The following SLC8A2 variants were observed in gnomAD, a reference collection of about 807,000 sequenced individuals.
SLC8A2 encodes the protein sodium/calcium exchanger 2.
In SLC8A2, 14 loss-of-function variants were observed where a neutral mutation model predicts 70.2. That is an observed-to-expected ratio of 0.20 (90% CI 0.13 to 0.31). The LOEUF is 0.31. SLC8A2 is among the 10% of genes least tolerant of loss of function. The pLI is 1.00. For missense variants in SLC8A2, 779 were observed against 1,320.1 expected (o/e 0.59, Z 6.35); for synonymous variants, 575 against 594.3 (o/e 0.97, Z 0.47).
chr19:47,436,717 T>C (rs551241639), intron 8 of SLC8A2, among the ~76,000 whole-genome samples: 1 of 152,298 alleles, frequency 6.6e-6, no homozygotes, highest in African/African-American at 2.4e-5. Flanking sequence ...CCTCTGTCTC[T>C]GAGCCTCAGT....
intron 1 of SLC8A2, among the ~76,000 whole-genome samples, chr19:47,469,034 G>A (rs1281643979): frequency 1.5e-4 from 23 of 152,052 alleles, no homozygotes; most frequent in Admixed American, 1.4e-3. Context: ...CCATGGGCTG[G>A]GAGCTGGCTC....
At position 47,441,225 on chromosome 19, in the gene SLC8A2, TC is replaced by T. The variant is rs762596822; in HGVS notation, c.1868-40del. On this transcript the variant is annotated intron_variant, in intron 5 of 9. Transcript: ENST00000236877. ...GAGACAGGCAGACAGTGAGATCAGTTCCCCACGAAGCTCAGGTCCACGAGCT... is the reference window on the plus strand; with the variant it reads ...GAGACAGGCAGACAGTGAGATCAGTTCCCACGAAGCTCAGGTCCACGAGCT... The T allele has an allele frequency of 1.9e-6, 3 of 1,612,924 alleles. No homozygotes were observed. In the African/African-American group the frequency reaches 4.0e-5, roughly 22 times the overall value.
chr19:47,459,744 C>T (rs1262603936), intron 2 of SLC8A2, among the ~76,000 whole-genome samples: 1 of 148,642 alleles, frequency 6.7e-6, no homozygotes. Flanking sequence ...TGTATGTGTA[C>T]GTGTGTGTCC....
At position 47,447,661 on chromosome 19, in the gene SLC8A2, C is replaced by T; in HGVS notation, c.1763+148G>A. ...ACAGGCCCCGCCCACGTTGCGGGCA[C>T]GGCCACGCAGGCCCCTCCCCTCCCG... On this transcript the variant is annotated intron_variant, in intron 4 of 9. Transcript: ENST00000236877. This position sits in a 1 kb window ranked among gnomAD's most constrained non-coding sequence, Gnocchi z 5.1. The T allele has an allele frequency of 3.7e-6, 3 of 807,594 alleles. No individual in the cohort carries two copies. Among genetic ancestry groups the T allele is most frequent in the Non-Finnish European group, 3.7e-6 (2 of 546,714 alleles). 50.0% of individuals were successfully genotyped at this position (807,594 alleles called of 1,614,324 possible).
rs764551245 is a variant in SLC8A2 at position 47,466,170 on chromosome 19, G to A, written c.234C>T (p.Ala78=). The change falls in exon 2 of 10, where the codon GCC becomes GCT. Residue 78 remains alanine, a synonymous_variant. Coordinates refer to ENST00000236877, the MANE Select transcript of SLC8A2 (RefSeq NM_015063.3). This position sits in a 1 kb window ranked among gnomAD's most constrained non-coding sequence, Gnocchi z 6.9. ...KAARAVVYFV[A]MVYMFLGVSI... ...ACACTCCCAGAAACATGTAGACCAT[G>A]GCCACAAAGTACACCACTGCCCGTG... 1.2e-5 allele frequency: 19 copies of A among 1,614,226 alleles called. No individual in the cohort carries two copies. The highest frequency in any genetic ancestry group is 1.5e-5 in the Non-Finnish European group (18 of 1,180,044).
At chr19:47,453,882 G>A (rs1043869083) in intron 3 of SLC8A2, among the ~76,000 whole-genome samples, 23 of 152,138 alleles carry the variant, frequency 1.5e-4, no homozygotes, top group Admixed American at 4.6e-4. Context: ...CCATGATTGC[G>A]CCACTGTGCT....
intron 3 of SLC8A2, among the ~76,000 whole-genome samples, chr19:47,452,427 AGAGAGAGAGAGAGAGAGAGTGTGTGT>A (rs1394180561): frequency 3.3e-5 from 4 of 120,592 alleles, no homozygotes; most frequent in Admixed American, 9.7e-5. Context: ...AGAGAGAGAG[AGAGAGAGAGAGAGAGAGAGTGTGTGT>A]GTGTGTGTGT....
chr19:47,435,000 G>A (rs1967008098), intron 8 of SLC8A2, among the ~76,000 whole-genome samples: 1 of 152,170 alleles, frequency 6.6e-6, no homozygotes, highest in Non-Finnish European at 1.5e-5. Flanking sequence ...CTTGAGGTCA[G>A]GAGTTCAAGA....
chr19:47,446,694 C>T (rs934215672), intron 4 of SLC8A2, among the ~76,000 whole-genome samples: 5 of 152,148 alleles, frequency 3.3e-5, no homozygotes, highest in African/African-American at 7.2e-5. Flanking sequence ...TACAGACATG[C>T]GCCACCACTA....
In SLC8A2 at chr19:47,428,275, T is replaced by C. The variant is rs1044059729; in HGVS notation, c.*1814A>G. Reference sequence around the variant, plus strand: ...TGGGGGCGTGGTTAGTGGAAACCCGTAATTGACGGATGCGGGCGTAGCAAG... The same window carrying C: ...TGGGGGCGTGGTTAGTGGAAACCCGCAATTGACGGATGCGGGCGTAGCAAG... On this transcript the variant is annotated 3_prime_UTR_variant, in exon 10 of 10. Coordinates refer to ENST00000236877, the MANE Select transcript of SLC8A2 (RefSeq NM_015063.3). 2.0e-5 allele frequency: 3 copies of C among 151,034 alleles called. No homozygotes were observed. The highest frequency in any genetic ancestry group is 1.3e-4 in the Admixed American group (2 of 15,080). The allele number at this position is 151,034 out of a possible 1,614,324, so 9.4% of individuals were successfully genotyped here. A position where few individuals can be genotyped will look rare whatever the true frequency, so the allele number is the denominator to read the frequency against.
At chr19:47,446,738 C>T (rs1425380052) in intron 4 of SLC8A2, among the ~76,000 whole-genome samples, 1 of 152,166 alleles carries the variant, frequency 6.6e-6, no homozygotes, top group African/African-American at 2.4e-5. Context: ...AGGAGTCTTG[C>T]TATGTTGCCC....
intron 3 of SLC8A2, among the ~76,000 whole-genome samples, chr19:47,452,043 A>G (rs781057834): frequency 5.9e-5 from 9 of 152,108 alleles, no homozygotes; most frequent in Admixed American, 1.3e-4. Context: ...GCATCACTCA[A>G]TTGACGTTGA....
chr19:47,434,374 G>C (rs1223089541), intron 8 of SLC8A2, among the ~76,000 whole-genome samples: 4 of 152,180 alleles, frequency 2.6e-5, no homozygotes, highest in Non-Finnish European at 5.9e-5. Flanking sequence ...GGTTATGCCT[G>C]TCACTCTGAA....
At chr19:47,471,692 A>T (rs906368609) in intron 1 of SLC8A2, 97 bp downstream of exon 1, 1 of 152,016 alleles carries the variant, frequency 6.6e-6, no homozygotes, top group African/African-American at 2.4e-5. Context: ...AGCCCAGGGA[A>T]GCCAGCTCCA....
chr19:47,430,089 C>T lies in SLC8A2; in HGVS notation c.2766G>A (p.Ter922=). ...LEAYCHIRGF[*] Reference sequence around the variant, plus strand: ...TGGGGACGAGTCTCTGCGCGAGGCCCTAGAAGCCCCGGATGTGGCAGTACG... The same window carrying T: ...TGGGGACGAGTCTCTGCGCGAGGCCTTAGAAGCCCCGGATGTGGCAGTACG... The change falls in exon 10 of 10, where the codon TAG becomes TAA. Residue 922 remains the stop codon, a stop_retained_variant. Transcript: ENST00000236877. The surrounding 1 kb of genome is among the most constrained non-coding windows in gnomAD (Gnocchi z 5.9). 6.3e-7 allele frequency: 1 copy of T among 1,582,704 alleles called. No individual in the cohort carries two copies.
Position 47,447,623 on chromosome 19 carries a change from G to A in SLC8A2, c.1763+186C>T. On this transcript the variant is annotated intron_variant, in intron 4 of 9. Coordinates refer to ENST00000236877, the MANE Select transcript of SLC8A2 (RefSeq NM_015063.3). This position sits in a 1 kb window ranked among gnomAD's most constrained non-coding sequence, Gnocchi z 5.1. ...TGTTCAGTGAAGCCCCGCCCACGTC[G>A]TGGGCATGGGTCACAGGCCCCGCCC... The A allele has an allele frequency of 2.5e-6, 1 of 399,426 alleles. No individual in the cohort carries two copies. The highest frequency in any genetic ancestry group is 4.3e-6 in the Non-Finnish European group (1 of 231,732). The allele number at this position is 399,426 out of a possible 1,614,324, so 24.7% of individuals were successfully genotyped here.
chr19:47,440,732 C>G (rs1967090383), intron 6 of SLC8A2, among the ~76,000 whole-genome samples: 1 of 152,134 alleles, frequency 6.6e-6, no homozygotes, highest in Admixed American at 6.6e-5. Context: ...GCTGGAATTA[C>G]AGTTGTGTGC....
intron 8 of SLC8A2, among the ~76,000 whole-genome samples, chr19:47,434,683 A>T (rs1325196363): frequency 6.6e-6 from 1 of 152,150 alleles, no homozygotes; most frequent in East Asian, 1.9e-4. Context: ...AGGGAGGTAA[A>T]GGAAGTACAA....
intron 2 of SLC8A2, among the ~76,000 whole-genome samples, chr19:47,459,600 C>A (rs567788464): frequency 1.5e-4 from 23 of 150,738 alleles, no homozygotes; most frequent in African/African-American, 5.6e-4. Context: ...CCTGTGTGTG[C>A]GTGCTTGTGT....
Sources: allele counts gnomAD v4.1 joint callset (sites outside exome capture counted in the v4.1 genomes callset), GRCh38; gene constraint gnomAD v4.1.1; non-coding constraint Gnocchi (gnomAD v3.1); transcripts MANE v1.5; gene names NCBI Gene and HGNC (gene_info 2026-07-23, HGNC 2026-07-21).